The following HJURP variants were observed in gnomAD, a reference collection of about 807,000 sequenced individuals.
HJURP encodes Holliday junction recognition protein.
In HJURP, 49 loss-of-function variants were observed where a neutral mutation model predicts 72.0. The observed-to-expected ratio is 0.68, with a 90% confidence interval of 0.54 to 0.86. The LOEUF (loss-of-function observed/expected upper bound fraction) is 0.86. Ranked by LOEUF, HJURP falls within the 40% of genes least tolerant of loss-of-function variation. The probability of loss-of-function intolerance (pLI) is 0.00; values close to 1 mark genes in which losing one functional copy is unlikely to be tolerated. For missense variants in HJURP, 908 were observed against 936.3 expected (o/e 0.97, Z 0.39); for synonymous variants, 357 against 347.1 (o/e 1.03, Z -0.32).
In HJURP at chr2:233,852,565, C is replaced by T; in HGVS notation, c.240G>A (p.Gln80=). ...GGCAATAAAATTTGACACTAAATAC[C>T]TGGATCTCTCCTTCGTTTCTTTCCT... ...LIKERNEGEI[Q]DSSMKPADRT... The change falls in exon 3 of 9, where the codon CAG becomes CAA. Residue 80 remains glutamine (Q), a splice_region_variant and synonymous_variant. Transcript: ENST00000411486. The T allele has an allele frequency of 1.3e-6, 2 of 1,595,038 alleles. No homozygotes were observed. Among genetic ancestry groups the T allele is most frequent in the Non-Finnish European group, 8.6e-7 (1 of 1,162,358 alleles).
intron 3 of HJURP, 38 bp downstream of exon 3, chr2:233,852,527 A>G: frequency 6.8e-7 from 1 of 1,474,202 alleles, no homozygotes; most frequent in Non-Finnish European, 9.5e-7. Context: ...ACTCCTCCAC[A>G]GCAAGGTTAT....
chr2:233,848,996 CAAAACCCAAAGAAT>C (rs1234946819), intron 4 of HJURP, among the ~76,000 whole-genome samples: 4 of 152,286 alleles, frequency 2.6e-5, no homozygotes, highest in South Asian at 2.1e-4. Flanking sequence ...ATGGAGAGCG[CAAAACCCAAAGAAT>C]AAAACCCAAA....
intron 8 of HJURP, among the ~76,000 whole-genome samples, chr2:233,838,336 T>C (rs1705130567): frequency 6.6e-6 from 1 of 152,132 alleles, no homozygotes; most frequent in Non-Finnish European, 1.5e-5. Context: ...CCCACAATAA[T>C]GCAACCTCAC....
At chr2:233,840,548 G>A (rs963429302) in intron 8 of HJURP, 61 bp downstream of exon 8, 1 of 1,474,730 alleles carries the variant, frequency 6.8e-7, no homozygotes, top group African/African-American at 1.4e-5. Flanking sequence ...ACCATAAAAA[G>A]CCTCTGTCCA....
At chr2:233,852,184 C>T (rs1285031026) in intron 3 of HJURP, among the ~76,000 whole-genome samples, 1 of 152,220 alleles carries the variant, frequency 6.6e-6, no homozygotes, top group African/African-American at 2.4e-5. Context: ...AGACATTCTT[C>T]TTCCCTAGAA....
intron 1 of HJURP, among the ~76,000 whole-genome samples, chr2:233,854,121 C>G (rs1048991293): frequency 5.3e-5 from 8 of 152,156 alleles, no homozygotes; most frequent in Non-Finnish European, 1.2e-4. Context: ...ACCCGAGCCC[C>G]AGGCCTGCTT....
At position 233,845,716 on chromosome 2, in the gene HJURP, G is replaced by C. The variant is rs752156009; in HGVS notation, c.495+12C>G. On this transcript the variant is annotated intron_variant, in intron 6 of 8. Transcript: ENST00000411486. ...TAATTATATAAAAACAAACAACTGG[G>C]AAACAGATTACCTCAAAATACTCTG... The C allele has an allele frequency of 6.5e-7, 1 of 1,535,188 alleles. No homozygotes were observed. Among genetic ancestry groups the C allele is most frequent in the Non-Finnish European group, 9.0e-7 (1 of 1,112,690 alleles).
intron 1 of HJURP, among the ~76,000 whole-genome samples, 164 bp downstream of exon 1, chr2:233,854,220 C>T (rs1457430359): frequency 1.3e-5 from 2 of 152,192 alleles, no homozygotes; most frequent in African/African-American, 4.8e-5. Context: ...CTCTCCGGAG[C>T]CCCCAGCTCC....
At position 233,841,268 on chromosome 2, in the gene HJURP, T is replaced by C; in HGVS notation, c.1512A>G (p.Leu504=). ...TACCTGCTTCCAGAGATCTTTTGCC[T>C]AGGTTTTCAAAAGCCTCACTTAAAC... ...AKSLSEAFEN[L]GKRSLEAGRC... is the part of the protein sequence containing the mutation. The change falls in exon 8 of 9, where the codon CTA becomes CTG. Residue 504 remains leucine, a synonymous_variant. Coordinates refer to ENST00000411486, the MANE Select transcript of HJURP (RefSeq NM_018410.5). 1.2e-6 allele frequency: 2 copies of C among 1,614,084 alleles called. No homozygotes were observed. Among genetic ancestry groups the C allele is most frequent in the East Asian group, 2.2e-5 (1 of 44,882 alleles).
At chr2:233,849,711 C>G in intron 4 of HJURP, 52 bp downstream of exon 4, 1 of 1,157,848 alleles carries the variant, frequency 8.6e-7, no homozygotes, top group Non-Finnish European at 1.3e-6. Context: ...GTAACAGGTG[C>G]GTCAGACCTG....
rs773158362 is a variant in HJURP, at chr2:233,853,830, G to A, written c.184+14C>T. On this transcript the variant is annotated intron_variant, in intron 2 of 8. Transcript: ENST00000411486. The stretch of plus-strand genomic sequence containing the variant: ...TCTTCACCCGAATACTCAGAAGGTG[G>A]GGAAGACCCTTACCCTGTGGCGTCT... 14 of 1,608,254 alleles carry A rather than the reference G, an allele frequency of 8.7e-6. No homozygotes were observed. Among genetic ancestry groups the A allele is most frequent in the Non-Finnish European group, 1.1e-5 (13 of 1,175,004 alleles).
At chr2:233,839,904 G>A (rs1054286950) in intron 8 of HJURP, among the ~76,000 whole-genome samples, 6 of 152,144 alleles carry the variant, frequency 3.9e-5, no homozygotes, top group Admixed American at 2.6e-4. Context: ...TAAGAAAGTC[G>A]CATCCTCCAG....
chr2:233,842,803 C>T (rs974515809), intron 7 of HJURP, among the ~76,000 whole-genome samples: 3 of 152,212 alleles, frequency 2.0e-5, no homozygotes, highest in Non-Finnish European at 4.4e-5. Flanking sequence ...GTAGCAGGTG[C>T]TGCAATGCTA....
chr2:233,841,218 G>T lies in HJURP; in HGVS notation c.1562C>A (p.Ser521Tyr). Reference protein sequence around the residue: ...AGRCLPKSDSSSSLPKTNPTH... With the variant: ...AGRCLPKSDSYSSLPKTNPTH... ...GGGGTTGGTCTTTGGAAGTGATGAAGATGAATCGCTCTTGGGCAGGCACCT... is the reference window on the plus strand; with the variant it reads ...GGGGTTGGTCTTTGGAAGTGATGAATATGAATCGCTCTTGGGCAGGCACCT... Residue 521 changes from serine (S) to tyrosine (Y), a missense_variant, in exon 8 of 9, where the codon TCT becomes TAT. Ser to Tyr is a moderately radical substitution (Grantham distance 144). This residue lies in a region of HJURP where 598 missense variants were observed against 619.5 expected (regional missense o/e 0.97). Coordinates refer to ENST00000411486, the MANE Select transcript of HJURP (RefSeq NM_018410.5). 6.2e-7 allele frequency: 1 copy of T among 1,614,198 alleles called. No homozygotes were observed. Among genetic ancestry groups the T allele is most frequent in the Non-Finnish European group, 8.5e-7 (1 of 1,180,018 alleles).
At chr2:233,845,143 G>A (rs759134367) in intron 6 of HJURP, among the ~76,000 whole-genome samples, 5 of 151,698 alleles carry the variant, frequency 3.3e-5, no homozygotes, top group Non-Finnish European at 7.4e-5. Flanking sequence ...AGTCCCGTGT[G>A]TGGCCCCAAT....
In HJURP at chr2:233,841,717, A is replaced by G. The variant is rs750931758; in HGVS notation, c.1063T>C (p.Leu355=). The G allele has an allele frequency of 1.2e-6, 2 of 1,614,170 alleles. No individual in the cohort carries two copies. Among genetic ancestry groups the G allele is most frequent in the South Asian group, 1.1e-5 (1 of 91,076 alleles). The change falls in exon 8 of 9, where the codon TTG becomes CTG. Residue 355 remains leucine, a synonymous_variant. Coordinates refer to ENST00000411486, the MANE Select transcript of HJURP (RefSeq NM_018410.5). ...DVSCRKTGLK[L]EKAFLEVNRP... ...TTGACTTCAAGAAAAGCTTTTTCCA[A>G]TTTTAAACCTGTCTTACGGCAAGAA...
chr2:233,848,506 G>C lies in HJURP; in HGVS notation c.338-1045C>G, dbSNP rs140734911. Among the ~76,000 whole-genome samples, 401 of 152,324 alleles carry C rather than the reference G, an allele frequency of 2.6e-3. 6 individuals are homozygous for C. The East Asian group carries it at 0.035, about 13-fold the overall frequency. The stretch of plus-strand genomic sequence containing the variant: ...GTGGGGTTGGAGGCTGGTGCTCAGC[G>C]GGGACATGAGAGCTAACGAAGCACA... On this transcript the variant is annotated intron_variant, in intron 4 of 8. Transcript: ENST00000411486.
At chr2:233,845,984 C>A in intron 5 of HJURP, 164 bp from the exon 6 acceptor site, 1 of 560,868 alleles carries the variant, frequency 1.8e-6, no homozygotes, top group East Asian at 2.8e-5. Context: ...TTTTTCACTT[C>A]CTGCTATGTT....
At chr2:233,853,789 A>C in intron 2 of HJURP, 55 bp downstream of exon 2, 2 of 1,414,336 alleles carry the variant, frequency 1.4e-6, no homozygotes, top group Admixed American at 1.8e-5. Flanking sequence ...CAGCATTTCA[A>C]CTACTCCATT....
Sources: allele counts gnomAD v4.1 joint callset (sites outside exome capture counted in the v4.1 genomes callset), GRCh38; gene constraint gnomAD v4.1.1; regional missense constraint gnomAD v4.1.1; transcripts MANE v1.5; gene names NCBI Gene and HGNC (gene_info 2026-07-23, HGNC 2026-07-21).